The following NRXN1 variants were observed in gnomAD, a reference collection of about 807,000 sequenced individuals.
The protein encoded by NRXN1 is neurexin-1.
A neutral mutation model predicts 150.9 loss-of-function variants in NRXN1; 39 were observed. The ratio of observed to expected loss-of-function variants is 0.26; its 90% CI spans 0.20 to 0.34. NRXN1 has a LOEUF of 0.34. NRXN1 is among the 10% of genes least tolerant of loss of function. The probability of loss-of-function intolerance (pLI) is 1.00; values close to 1 mark genes in which losing one functional copy is unlikely to be tolerated. For synonymous variants in NRXN1, 924 were observed against 757.0 expected (o/e 1.22, Z -3.62); for missense variants, 1,815 against 1,949.9 (o/e 0.93, Z 1.30).
intron 5 of NRXN1, among the ~76,000 whole-genome samples, chr2:50,677,649 T>C (rs1689745560): frequency 6.6e-6 from 1 of 152,150 alleles, no homozygotes; most frequent in Admixed American, 6.6e-5. Context: ...TCTGGGAATG[T>C]ATTCTCTAAG....
chr2:50,366,323 C>T (rs550952385), intron 17 of NRXN1, among the ~76,000 whole-genome samples: 1 of 151,920 alleles, frequency 6.6e-6, no homozygotes, highest in South Asian at 2.1e-4. Flanking sequence ...TAGGTAGTAT[C>T]TATATAGAAA....
At chr2:50,039,561 A>C (rs1690604342) in intron 21 of NRXN1, among the ~76,000 whole-genome samples, 1 of 152,190 alleles carries the variant, frequency 6.6e-6, no homozygotes, top group South Asian at 2.1e-4. Flanking sequence ...TGTCTGCTAT[A>C]TGCCTGCTAC....
At chr2:50,504,474 A>G (rs891730925) in intron 13 of NRXN1, among the ~76,000 whole-genome samples, 8 of 152,320 alleles carry the variant, frequency 5.3e-5, no homozygotes, top group Middle Eastern at 3.4e-3. Flanking sequence ...AACTGGCTTA[A>G]ATGTTCACAG....
chr2:50,217,603 A>C (rs1363438754), intron 18 of NRXN1, among the ~76,000 whole-genome samples: 5 of 152,118 alleles, frequency 3.3e-5, no homozygotes, highest in African/African-American at 1.2e-4. Flanking sequence ...AGATGGACAG[A>C]CCGAATTATA....
intron 15 of NRXN1, among the ~76,000 whole-genome samples, chr2:50,484,287 G>T (rs1407254246): frequency 6.6e-6 from 1 of 151,904 alleles, no homozygotes; most frequent in African/African-American, 2.4e-5. Context: ...TTCCAAAAAA[G>T]AATTCCTTCT....
chr2:50,920,161 T>C (rs1042905869), intron 5 of NRXN1, among the ~76,000 whole-genome samples: 2 of 151,694 alleles, frequency 1.3e-5, no homozygotes, highest in Admixed American at 6.6e-5. Context: ...GTCCCAATAA[T>C]AGAAGAAGAA....
chr2:50,116,458 C>T (rs537937874), intron 18 of NRXN1, among the ~76,000 whole-genome samples: 2 of 151,936 alleles, frequency 1.3e-5, no homozygotes, highest in African/African-American at 4.8e-5. Context: ...TGTTTAAACA[C>T]CAGAGCCAAA....
At chr2:50,083,594 A>G (rs376346532) in intron 19 of NRXN1, among the ~76,000 whole-genome samples, 163 of 152,126 alleles carry the variant, frequency 1.1e-3, no homozygotes, top group African/African-American at 3.8e-3. Context: ...ACGCAAGAGG[A>G]CCCCAGCAGG....
chr2:50,689,062 T>C (rs1032450922), intron 5 of NRXN1, among the ~76,000 whole-genome samples: 4 of 152,168 alleles, frequency 2.6e-5, no homozygotes, highest in African/African-American at 7.2e-5. Flanking sequence ...GGAGCATGAG[T>C]CAGGGGAATC....
intron 18 of NRXN1, among the ~76,000 whole-genome samples, chr2:50,148,108 T>C (rs2058465456): frequency 6.6e-6 from 1 of 151,702 alleles, no homozygotes; most frequent in Admixed American, 6.6e-5. Flanking sequence ...CACAAGCATA[T>C]GCTGTTAAAT....
chr2:50,164,460 A>G (rs1005342227), intron 18 of NRXN1, among the ~76,000 whole-genome samples: 2 of 152,218 alleles, frequency 1.3e-5, no homozygotes, highest in Admixed American at 6.5e-5. Context: ...TTAAAAAGTT[A>G]TCTAAAATGA....
At chr2:50,663,390 GA>G in intron 5 of NRXN1, among the ~76,000 whole-genome samples, 1 of 151,926 alleles carries the variant, frequency 6.6e-6, no homozygotes, top group East Asian at 1.9e-4. Flanking sequence ...GTTTTTGTTT[GA>G]GCTTCAGCTC....
intron 17 of NRXN1, among the ~76,000 whole-genome samples, chr2:50,398,922 G>A (rs1005905330): frequency 1.3e-5 from 2 of 152,102 alleles, no homozygotes; most frequent in Non-Finnish European, 2.9e-5. Flanking sequence ...GTAGAGGATA[G>A]GAGGGTAGGT....
intron 17 of NRXN1, among the ~76,000 whole-genome samples, chr2:50,295,006 T>C (rs2073395956): frequency 2.0e-5 from 3 of 152,192 alleles, no homozygotes; most frequent in African/African-American, 4.8e-5. Context: ...AGAATTTGAT[T>C]TGGGCAAACT....
intron 12 of NRXN1, among the ~76,000 whole-genome samples, chr2:50,522,830 C>A (rs1426689625): frequency 7.3e-6 from 1 of 136,912 alleles, no homozygotes; most frequent in African/African-American, 2.8e-5. Context: ...CTGCCAGGTT[C>A]AAGCAATTCT....
At chr2:50,057,774 G>A (rs918436018) in intron 19 of NRXN1, among the ~76,000 whole-genome samples, 5 of 152,126 alleles carry the variant, frequency 3.3e-5, no homozygotes, top group Non-Finnish European at 5.9e-5. Context: ...AAATACTAGT[G>A]TCCAGAGAAT....
At chr2:50,832,308 T>A (rs531820275) in intron 5 of NRXN1, among the ~76,000 whole-genome samples, 2 of 152,132 alleles carry the variant, frequency 1.3e-5, no homozygotes, top group Admixed American at 6.5e-5. Context: ...GAGAGCTTAA[T>A]AGAGGAAGGA....
intron 5 of NRXN1, chr2:50,919,928 G>C (rs1685753488): frequency 3.6e-6 from 1 of 274,782 alleles, no homozygotes; most frequent in Non-Finnish European, 8.3e-6. Flanking sequence ...TCATTTCCTT[G>C]TTATATGAAC....
chr2:50,350,371 C>T (rs984509296), intron 17 of NRXN1, among the ~76,000 whole-genome samples: 10 of 152,112 alleles, frequency 6.6e-5, no homozygotes, highest in African/African-American at 2.2e-4. Flanking sequence ...AGCAAAGTCA[C>T]CAACGTAAAA....
Sources: gnomAD v4.1 joint callset for allele counts (sites outside exome capture counted in the v4.1 genomes callset) on GRCh38, gnomAD v4.1.1 for gene constraint, MANE v1.5 for transcripts, NCBI Gene and HGNC (gene_info 2026-07-23, HGNC 2026-07-21) for gene names.